ZNF395: variants seen among roughly 807,000 people sequenced by gnomAD.
The protein encoded by ZNF395 is HD gene regulatory region-binding protein 2.
A neutral mutation model predicts 57.7 loss-of-function variants in ZNF395; 20 were observed. The observed-to-expected ratio is 0.35, with a 90% CI of 0.24 to 0.50. The LOEUF is 0.50. ZNF395 is among the 20% of genes least tolerant of loss of function. The pLI is 0.97. For missense variants in ZNF395, 606 were observed against 671.2 expected (o/e 0.90, Z 1.07); for synonymous variants, 295 against 275.9 (o/e 1.07, Z -0.69).
At chr8:28,368,236 G>C (rs1018435750) in intron 1 of ZNF395, among the ~76,000 whole-genome samples, 2 of 152,120 alleles carry the variant, frequency 1.3e-5, no homozygotes, top group Admixed American at 6.5e-5. Context: ...CACAGAACTA[G>C]CAATTCTAGC....
rs2272750 is a variant in ZNF395, at chr8:28,352,320, C to T, written c.920+253G>A. 0.079 allele frequency among the ~76,000 whole-genome samples: 11,959 copies of T among 152,298 alleles called. 581 individuals carry two copies. Among genetic ancestry groups the T allele is most frequent in the East Asian group, 0.26 (1,326 of 5,164 alleles). The stretch of plus-strand genomic sequence containing the variant: ...CTAAACCAAATGACCCCGTTTCTAC[C>T]CAGAACTAAAACATCTTGCTTCCTG... On this transcript the variant is annotated intron_variant, in intron 6 of 9. Transcript: ENST00000344423. This position sits in a 1 kb window ranked among gnomAD's most constrained non-coding sequence, Gnocchi z 4.0.
intron 1 of ZNF395, among the ~76,000 whole-genome samples, chr8:28,383,763 C>T (rs958935664): frequency 2.6e-5 from 4 of 152,144 alleles, no homozygotes; most frequent in Non-Finnish European, 4.4e-5. Flanking sequence ...CCTCTCCCGG[C>T]ATCTGTAGCC....
chr8:28,358,422 T>TTTTGG (rs201442838), intron 3 of ZNF395, among the ~76,000 whole-genome samples: 8 of 151,928 alleles, frequency 5.3e-5, no homozygotes, highest in Admixed American at 2.0e-4. Flanking sequence ...TTTGTTTGTT[T>TTTTGG]TTTGGTTTGG....
At chr8:28,382,902 G>T (rs145297003) in intron 1 of ZNF395, among the ~76,000 whole-genome samples, 210 of 152,308 alleles carry the variant, frequency 1.4e-3, no homozygotes, top group African/African-American at 4.5e-3. Context: ...AAATGTCAGA[G>T]ATGACACCAA....
chr8:28,384,437 TTCTC>T, intron 1 of ZNF395, among the ~76,000 whole-genome samples: 1 of 152,300 alleles, frequency 6.6e-6, no homozygotes, highest in South Asian at 2.1e-4. Flanking sequence ...CACAACTCCC[TTCTC>T]TGACTCCAAC....
chr8:28,351,360 TG>T (rs1156988844), intron 7 of ZNF395, 134 bp downstream of exon 7: 2 of 948,758 alleles, frequency 2.1e-6, no homozygotes, highest in African/African-American at 3.3e-5. Flanking sequence ...GGTTTCCTTT[TG>T]TTTCCTTGTA....
At chr8:28,368,270 A>G (rs964158846) in intron 1 of ZNF395, among the ~76,000 whole-genome samples, 1 of 152,166 alleles carries the variant, frequency 6.6e-6, no homozygotes, top group African/African-American at 2.4e-5. Flanking sequence ...AACTTCTAAG[A>G]GACCTGCACA....
At chr8:28,369,582 T>C (rs956980880) in intron 1 of ZNF395, among the ~76,000 whole-genome samples, 44 of 152,212 alleles carry the variant, frequency 2.9e-4, no homozygotes, top group African/African-American at 1.0e-3. Flanking sequence ...ATTACCCATG[T>C]GACTAGGTGC....
At chr8:28,363,392 G>A (rs1199071236) in intron 1 of ZNF395, among the ~76,000 whole-genome samples, 3 of 152,088 alleles carry the variant, frequency 2.0e-5, no homozygotes, top group Admixed American at 6.5e-5. Flanking sequence ...TCAGCAGGCA[G>A]GCAGATGCTG....
chr8:28,351,578 G>A lies in ZNF395; in HGVS notation c.1150C>T (p.Pro384Ser). 1 of 1,613,812 alleles carries A rather than the reference G, an allele frequency of 6.2e-7. No homozygotes were observed. The highest frequency in any genetic ancestry group is 8.5e-7 in the Non-Finnish European group (1 of 1,180,014). The part of the protein sequence containing the change: ...AQSSGPEHPG[P>S]ESSLPSGALS... ...GCCCCTGAGGGCAGGGAGGACTCCGGGCCAGGATGTTCTGGGCCGGAGGAC... is the reference window on the plus strand; with the variant it reads ...GCCCCTGAGGGCAGGGAGGACTCCGAGCCAGGATGTTCTGGGCCGGAGGAC... The change falls in exon 7 of 10, where the codon CCG becomes TCG. Residue 384 changes from proline (P) to serine (S), a missense_variant. Pro to Ser is a moderately conservative substitution (Grantham distance 74). Transcript: ENST00000344423.
chr8:28,355,795 C>T lies in ZNF395; in HGVS notation c.583+875G>A, dbSNP rs530345370. Among the ~76,000 whole-genome samples, 22 of 152,318 alleles carry T rather than the reference C, an allele frequency of 1.4e-4. 1 individual carries two copies. The highest frequency in any genetic ancestry group is 2.5e-4 in the Non-Finnish European group (17 of 68,028). On this transcript the variant is annotated intron_variant, in intron 4 of 9. Transcript: ENST00000344423. The stretch of plus-strand genomic sequence containing the variant: ...TGGCAGCCTAGTCATTGACAGCTGA[C>T]TTTGAGTCAAGAAAGTAAGTTTTCT...
chr8:28,359,050 A>G lies in ZNF395; in HGVS notation c.473+542T>C, dbSNP rs1483739867. On this transcript the variant is annotated intron_variant, in intron 3 of 9. Transcript: ENST00000344423. This position sits in a 1 kb window ranked among gnomAD's most constrained non-coding sequence, Gnocchi z 4.7. ...GTTTAAGCATGAGAGGGGAAAAAAT[A>G]GCCCTATGCCCAACCAAAGGTACAT... Among the ~76,000 whole-genome samples the G allele has an allele frequency of 1.3e-5, 2 of 152,238 alleles. No individual in the cohort carries two copies. Among genetic ancestry groups the G allele is most frequent in the Non-Finnish European group, 2.9e-5 (2 of 68,042 alleles).
intron 1 of ZNF395, among the ~76,000 whole-genome samples, chr8:28,383,027 CAGACACT>C (rs1802129197): frequency 6.6e-6 from 1 of 152,144 alleles, no homozygotes; most frequent in Admixed American, 6.5e-5. Flanking sequence ...CAAAACAGTA[CAGACACT>C]GCTTTACAAT....
intron 1 of ZNF395, among the ~76,000 whole-genome samples, chr8:28,363,114 G>GT (rs971096330): frequency 1.2e-3 from 169 of 143,738 alleles, no homozygotes; most frequent in East Asian, 7.6e-3. Context: ...TAAATTGGTT[G>GT]TTTTTTTTTT....
At position 28,352,577 on chromosome 8, in the gene ZNF395, G is replaced by T. The variant is rs956722996; in HGVS notation, c.916C>A (p.Leu306Met). 2.5e-6 allele frequency: 4 copies of T among 1,613,960 alleles called. No homozygotes were observed. Among genetic ancestry groups the T allele is most frequent in the Non-Finnish European group, 3.4e-6 (4 of 1,179,980 alleles). ...GIKRHVKALH[L>M]GDTVDSDQFK... ...AGGCCCTGGGCTCGCACATACCCCA[G>T]ATGGAGGGCTTTGACGTGTCGTTTG... The change falls in exon 6 of 10, where the codon CTG becomes ATG. Residue 306 changes from leucine (L) to methionine (M), a missense_variant. Leu to Met is a conservative substitution (Grantham distance 15). This residue lies in a region of ZNF395 where 261 missense variants were observed against 240.3 expected (regional missense o/e 1.09). Transcript: ENST00000344423. The surrounding 1 kb of genome is among the most constrained non-coding windows in gnomAD (Gnocchi z 4.0).
chr8:28,357,126 G>C (rs964470599), intron 3 of ZNF395, among the ~76,000 whole-genome samples: 3 of 152,180 alleles, frequency 2.0e-5, no homozygotes, highest in Non-Finnish European at 4.4e-5. Flanking sequence ...AAAAAAAGGA[G>C]AATTTTATTT....
intron 1 of ZNF395, among the ~76,000 whole-genome samples, chr8:28,367,104 G>A (rs991044840): frequency 3.3e-5 from 5 of 151,792 alleles, no homozygotes; most frequent in African/African-American, 9.7e-5. Context: ...GTGTGACAAT[G>A]TGGATTCTCA....
At chr8:28,362,895 T>C (rs1218077763) in intron 1 of ZNF395, among the ~76,000 whole-genome samples, 1 of 152,224 alleles carries the variant, frequency 6.6e-6, no homozygotes, top group African/African-American at 2.4e-5. Flanking sequence ...ACTGGCATAG[T>C]ATCTCCACCA....
intron 9 of ZNF395, 72 bp downstream of exon 9, chr8:28,349,052 TG>T: frequency 7.0e-7 from 1 of 1,429,804 alleles, no homozygotes; most frequent in Non-Finnish European, 9.6e-7. Flanking sequence ...TTCATCTGGG[TG>T]GGGTCGGAGT....
Sources: allele counts gnomAD v4.1 joint callset (sites outside exome capture counted in the v4.1 genomes callset), GRCh38; gene constraint gnomAD v4.1.1; regional missense constraint gnomAD v4.1.1; non-coding constraint Gnocchi (gnomAD v3.1); transcripts MANE v1.5; gene names NCBI Gene and HGNC (gene_info 2026-07-23, HGNC 2026-07-21).